Variants in AKAP19 observed in about 807,000 individuals in gnomAD.
AKAP19 encodes A-kinase anchoring protein 19, also known as small A-kinase anchoring protein.
the AKAP19 span, among the ~76,000 whole-genome samples, chr2:190,064,730 C>T: frequency 4.6e-5 from 7 of 152,274 alleles, no homozygotes; most frequent in South Asian, 2.1e-4. Flanking sequence ...AGAACTGCTT[C>T]AGGTCATAGC....
At chr2:189,974,875 T>C in the AKAP19 span, among the ~76,000 whole-genome samples, 1 of 152,230 alleles carries the variant, frequency 6.6e-6, no homozygotes, top group Admixed American at 6.5e-5. Flanking sequence ...TATGTGTATC[T>C]CTGCACGTGA....
the AKAP19 span, among the ~76,000 whole-genome samples, chr2:190,024,998 C>T: frequency 6.6e-6 from 1 of 152,190 alleles, no homozygotes. Flanking sequence ...TTCTTGACAT[C>T]ACTGTCTATC....
At chr2:190,093,166 T>C in the AKAP19 span, among the ~76,000 whole-genome samples, 3 of 152,060 alleles carry the variant, frequency 2.0e-5, no homozygotes, top group Non-Finnish European at 4.4e-5. Context: ...CTCACGCCTA[T>C]AATCCCAGCA....
At chr2:189,892,856 C>T in the AKAP19 span, among the ~76,000 whole-genome samples, 1 of 152,168 alleles carries the variant, frequency 6.6e-6, no homozygotes, top group African/African-American at 2.4e-5. Flanking sequence ...CCCAGGTGCT[C>T]TGTCCCAGGG....
the AKAP19 span, among the ~76,000 whole-genome samples, chr2:190,051,692 T>G: frequency 1.3e-5 from 2 of 152,194 alleles, no homozygotes; most frequent in African/African-American, 4.8e-5. Flanking sequence ...GTAAGGAACT[T>G]AAGTTCACTG....
chr2:189,983,955 T>A, the AKAP19 span, among the ~76,000 whole-genome samples: 3 of 152,096 alleles, frequency 2.0e-5, no homozygotes, highest in Non-Finnish European at 4.4e-5. Flanking sequence ...AAGTTTTTTT[T>A]AGGAATTTTC....
the AKAP19 span, among the ~76,000 whole-genome samples, chr2:190,190,227 C>G: frequency 1.3e-5 from 2 of 152,114 alleles, no homozygotes; most frequent in East Asian, 3.9e-4. Context: ...CCAAACAGTC[C>G]TTACTTCTTC....
chr2:190,022,339 A>G, the AKAP19 span, among the ~76,000 whole-genome samples: 1 of 152,202 alleles, frequency 6.6e-6, no homozygotes, highest in East Asian at 1.9e-4. Context: ...TAAAATGGAC[A>G]TGGGGTGTGT....
At chr2:190,184,586 A>G in the AKAP19 span, among the ~76,000 whole-genome samples, 4 of 152,232 alleles carry the variant, frequency 2.6e-5, no homozygotes, top group African/African-American at 7.2e-5. Context: ...ATTAAAGACT[A>G]GACTTCAGTT....
At chr2:190,011,129 C>T in the AKAP19 span, among the ~76,000 whole-genome samples, 10 of 135,588 alleles carry the variant, frequency 7.4e-5, no homozygotes, top group East Asian at 2.2e-3. Context: ...GTGATGTCAA[C>T]TCACTACAGC....
chr2:190,034,757 G>A, the AKAP19 span, among the ~76,000 whole-genome samples: 1 of 149,918 alleles, frequency 6.7e-6, no homozygotes, highest in African/African-American at 2.5e-5. Context: ...GGGAGGCTGA[G>A]GTGAGAGAAT....
At chr2:190,197,695 C>T in the AKAP19 span, among the ~76,000 whole-genome samples, 1 of 152,170 alleles carries the variant, frequency 6.6e-6, no homozygotes, top group African/African-American at 2.4e-5. The surrounding 1 kb of genome is among the most constrained non-coding windows in gnomAD (Gnocchi z 4.0). Context: ...GGATCACAAT[C>T]CAGTGTTGCT....
At chr2:190,083,960 G>T in the AKAP19 span, among the ~76,000 whole-genome samples, 1 of 152,038 alleles carries the variant, frequency 6.6e-6, no homozygotes, top group African/African-American at 2.4e-5. Flanking sequence ...AGACTCCGAA[G>T]CCTATTTTCT....
chr2:189,981,168 G>C, the AKAP19 span, among the ~76,000 whole-genome samples: 1 of 151,446 alleles, frequency 6.6e-6, no homozygotes, highest in East Asian at 1.9e-4. Context: ...AGCAGTATTT[G>C]TTTTTTAAAC....
chr2:190,044,197 G>A, the AKAP19 span, among the ~76,000 whole-genome samples: 1 of 152,112 alleles, frequency 6.6e-6, no homozygotes, highest in Non-Finnish European at 1.5e-5. Flanking sequence ...TGATCTCAGT[G>A]TTTATGTTCC....
chr2:189,928,380 C>T, the AKAP19 span, among the ~76,000 whole-genome samples: 1 of 151,194 alleles, frequency 6.6e-6, no homozygotes, highest in Non-Finnish European at 1.5e-5. Flanking sequence ...AGTTCATTTA[C>T]CAATTTTAAC....
At chr2:190,069,039 C>A in the AKAP19 span, among the ~76,000 whole-genome samples, 1 of 152,068 alleles carries the variant, frequency 6.6e-6, no homozygotes, top group African/African-American at 2.4e-5. Flanking sequence ...GTGACTAGAT[C>A]CCTTCCCCAA....
the AKAP19 span, among the ~76,000 whole-genome samples, chr2:189,944,877 G>T: frequency 6.6e-5 from 10 of 152,028 alleles, no homozygotes; most frequent in Admixed American, 2.0e-4. Context: ...CAAAAATATT[G>T]AAATCATATC....
the AKAP19 span, among the ~76,000 whole-genome samples, chr2:189,880,987 G>A: frequency 4.6e-5 from 7 of 152,086 alleles, no homozygotes; most frequent in African/African-American, 1.7e-4. Flanking sequence ...TGAGAAAATA[G>A]AAGGCCAAAG....
Sources: allele counts gnomAD v4.1 joint callset (sites outside exome capture counted in the v4.1 genomes callset), GRCh38; gene constraint gnomAD v4.1.1; non-coding constraint Gnocchi (gnomAD v3.1); transcripts MANE v1.5; gene names NCBI Gene and HGNC (gene_info 2026-07-23, HGNC 2026-07-21).